JPH1: variants seen among roughly 807,000 people sequenced by gnomAD.
JPH1 encodes junctophilin 1, also known as junctophilin-1.
JPH1 carries 12 observed loss-of-function variants against 53.6 expected under a neutral mutation model. The observed-to-expected ratio is 0.22, with a 90% CI of 0.14 to 0.36. The LOEUF (loss-of-function observed/expected upper bound fraction) is 0.36. Among genes scored for constraint, JPH1 ranks in the 10% least tolerant of loss-of-function variants. The pLI, the probability that JPH1 is intolerant of heterozygous loss-of-function variation, is 1.00. For synonymous variants in JPH1, 375 were observed against 363.8 expected (o/e 1.03, Z -0.35); for missense variants, 808 against 905.5 (o/e 0.89, Z 1.38).
At chr8:74,274,655 A>G (rs1257316301) in intron 2 of JPH1, among the ~76,000 whole-genome samples, 1 of 152,214 alleles carries the variant, frequency 6.6e-6, no homozygotes, top group Admixed American at 6.5e-5. Flanking sequence ...AATGCCCTGA[A>G]TCATTAAAAA....
intron 2 of JPH1, among the ~76,000 whole-genome samples, chr8:74,295,900 C>T (rs147609550): frequency 0.011 from 1,703 of 152,122 alleles, 22 homozygotes; most frequent in East Asian, 0.097. Context: ...TCAGGCGTTG[C>T]GTGTGTGTTT....
chr8:74,239,727 G>A (rs1311263542), intron 4 of JPH1, among the ~76,000 whole-genome samples: 1 of 152,184 alleles, frequency 6.6e-6, no homozygotes, highest in Non-Finnish European at 1.5e-5. Context: ...CTGATGTACA[G>A]GTTGAGCATC....
intron 2 of JPH1, among the ~76,000 whole-genome samples, chr8:74,275,610 C>T (rs146240246): frequency 1.1e-4 from 16 of 152,214 alleles, no homozygotes; most frequent in African/African-American, 2.9e-4. Flanking sequence ...AAAATGTGAG[C>T]GGCTCTTTCA....
chr8:74,306,267 T>C (rs1192629308), intron 2 of JPH1, among the ~76,000 whole-genome samples: 1 of 152,092 alleles, frequency 6.6e-6, no homozygotes, highest in Non-Finnish European at 1.5e-5. Flanking sequence ...GGCACCTAGG[T>C]CATCTTTCCA....
intron 3 of JPH1, 40 bp from the exon 4 acceptor site, chr8:74,245,215 G>GTA: frequency 6.6e-7 from 1 of 1,506,014 alleles, no homozygotes. Context: ...AAGAAAGGAG[G>GTA]TATATATACA....
intron 2 of JPH1, among the ~76,000 whole-genome samples, chr8:74,298,662 T>C (rs761197632): frequency 2.0e-5 from 3 of 152,214 alleles, no homozygotes; most frequent in Non-Finnish European, 4.4e-5. Context: ...CCAGGTGGGT[T>C]TGTTGTAAGA....
intron 2 of JPH1, among the ~76,000 whole-genome samples, chr8:74,261,825 T>C (rs912855233): frequency 2.0e-5 from 3 of 152,216 alleles, no homozygotes; most frequent in African/African-American, 7.2e-5. Flanking sequence ...ATTAGCCCTT[T>C]AATGATAAAT....
intron 2 of JPH1, among the ~76,000 whole-genome samples, chr8:74,263,587 C>T (rs971411917): frequency 1.2e-4 from 18 of 152,218 alleles, no homozygotes; most frequent in Admixed American, 3.3e-4. Flanking sequence ...ACCATATCCA[C>T]TGTCAGCAAA....
chr8:74,278,362 T>C (rs1806910698), intron 2 of JPH1, among the ~76,000 whole-genome samples: 1 of 152,206 alleles, frequency 6.6e-6, no homozygotes, highest in African/African-American at 2.4e-5. Context: ...TGGCACTGTC[T>C]TTCCCATAGC....
intron 2 of JPH1, among the ~76,000 whole-genome samples, chr8:74,283,871 G>C (rs1807084130): frequency 6.6e-6 from 1 of 152,144 alleles, no homozygotes; most frequent in Non-Finnish European, 1.5e-5. Flanking sequence ...TATATAGACT[G>C]GCAGAATATA....
intron 2 of JPH1, among the ~76,000 whole-genome samples, chr8:74,279,483 G>A (rs1473567822): frequency 1.3e-5 from 2 of 152,098 alleles, no homozygotes; most frequent in African/African-American, 4.8e-5. Flanking sequence ...GCAGCAGCTG[G>A]GATCTTAGGT....
chr8:74,248,064 T>C (rs1446239687), intron 3 of JPH1, among the ~76,000 whole-genome samples: 2 of 152,212 alleles, frequency 1.3e-5, no homozygotes, highest in Non-Finnish European at 2.9e-5. Context: ...AATACTGGTC[T>C]AATCACTTCT....
intron 3 of JPH1, among the ~76,000 whole-genome samples, chr8:74,248,934 T>C (rs1805948936): frequency 6.6e-6 from 1 of 152,226 alleles, no homozygotes. Flanking sequence ...AGCATTTTCA[T>C]CTGTTTTTAT....
chr8:74,284,550 A>T (rs993447659), intron 2 of JPH1, among the ~76,000 whole-genome samples: 3 of 152,178 alleles, frequency 2.0e-5, no homozygotes, highest in Non-Finnish European at 4.4e-5. Flanking sequence ...ACCAATTAAA[A>T]AAAGCGTCTC....
intron 2 of JPH1, among the ~76,000 whole-genome samples, chr8:74,277,994 A>G (rs1345559412): frequency 2.0e-5 from 3 of 152,334 alleles, no homozygotes; most frequent in African/African-American, 4.8e-5. Flanking sequence ...TTAAGTATAT[A>G]CAAGAAAATA....
intron 3 of JPH1, among the ~76,000 whole-genome samples, chr8:74,246,446 T>C (rs1216684604): frequency 6.6e-6 from 1 of 152,200 alleles, no homozygotes; most frequent in Non-Finnish European, 1.5e-5. Context: ...ACACTTGTAA[T>C]TGCTCTTCCC....
chr8:74,244,626 C>T lies in JPH1; in HGVS notation c.1808G>A (p.Ser603Asn). The stretch of plus-strand genomic sequence containing the variant: ...CTTCTTAGCTTTTGGCTCAGCTTTG[C>T]TTTCTTTGGCAACTGGTTTTGTCAC... The part of the protein sequence containing the change: ...KSVTKPVAKE[S>N]KAEPKAKKSE... The change falls in exon 4 of 6, where the codon AGC becomes AAC. Residue 603 changes from serine (S) to asparagine (N), a missense_variant. Physicochemically the swap from Ser to Asn is conservative, Grantham distance 46. Coordinates refer to ENST00000342232, the MANE Select transcript of JPH1 (RefSeq NM_020647.4). 1 of 1,614,214 alleles carries T rather than the reference C, an allele frequency of 6.2e-7. No homozygotes were observed. The highest frequency in any genetic ancestry group is 8.5e-7 in the Non-Finnish European group (1 of 1,180,042).
Position 74,236,519 on chromosome 8 carries a change from C to T in JPH1, c.*532G>A, listed in dbSNP as rs1807001145. The T allele has an allele frequency of 6.6e-6, 1 of 152,602 alleles. No homozygotes were observed. Among genetic ancestry groups the T allele is most frequent in the Non-Finnish European group, 1.5e-5 (1 of 68,040 alleles). The allele number at this position is 152,602 out of a possible 1,614,324, so 9.5% of individuals were successfully genotyped here. ...TGAGTGATGCTGCTACCTATTTCTTCTAATGAGATAGGAGTGAATGTTGGA... is the reference window on the plus strand; with the variant it reads ...TGAGTGATGCTGCTACCTATTTCTTTTAATGAGATAGGAGTGAATGTTGGA... On this transcript the variant is annotated 3_prime_UTR_variant, in exon 6 of 6. Coordinates refer to ENST00000342232, the MANE Select transcript of JPH1 (RefSeq NM_020647.4).
intron 2 of JPH1, among the ~76,000 whole-genome samples, chr8:74,261,387 T>C (rs28542550): frequency 0.07 from 10,624 of 152,222 alleles, 951 homozygotes; most frequent in African/African-American, 0.2. Flanking sequence ...TCAATTTTTC[T>C]GATAACTTAA....
Sources: gnomAD v4.1 joint callset for allele counts (sites outside exome capture counted in the v4.1 genomes callset) on GRCh38, gnomAD v4.1.1 for gene constraint, MANE v1.5 for transcripts, NCBI Gene and HGNC (gene_info 2026-07-23, HGNC 2026-07-21) for gene names.